Variants in NFIB observed in about 807,000 individuals in gnomAD.
NFIB encodes the protein nuclear factor I B, also known as nuclear factor 1 B-type.
In NFIB, 11 loss-of-function variants were observed where a neutral mutation model predicts 61.5. That is an observed-to-expected ratio of 0.18 (90% CI 0.11 to 0.30). NFIB has a LOEUF of 0.30. NFIB is among the 10% of genes least tolerant of loss of function. NFIB has a pLI of 1.00. For missense variants in NFIB, 471 were observed against 608.9 expected (o/e 0.77, Z 2.38); for synonymous variants, 260 against 216.5 (o/e 1.20, Z -1.76).
At chr9:14,157,226 A>G (rs1307727255) in intron 3 of NFIB, among the ~76,000 whole-genome samples, 1 of 152,208 alleles carries the variant, frequency 6.6e-6, no homozygotes, top group African/African-American at 2.4e-5. Flanking sequence ...CGAATTACGC[A>G]CACTGGCCTC....
intron 2 of NFIB, among the ~76,000 whole-genome samples, chr9:14,195,764 C>A (rs1201696825): frequency 6.6e-6 from 1 of 152,038 alleles, no homozygotes; most frequent in Admixed American, 6.6e-5. Context: ...GAGCAGGAAT[C>A]TTTTATGGCA....
intron 2 of NFIB, among the ~76,000 whole-genome samples, chr9:14,280,484 C>A (rs1483476609): frequency 6.6e-6 from 1 of 152,192 alleles, no homozygotes; most frequent in Non-Finnish European, 1.5e-5. Context: ...TTCTCTAACC[C>A]TACACTCACA....
chr9:14,172,393 C>T (rs2045663529), intron 3 of NFIB, among the ~76,000 whole-genome samples: 1 of 151,854 alleles, frequency 6.6e-6, no homozygotes, highest in Admixed American at 6.6e-5. Context: ...TTTCAATAGA[C>T]ACAGAAAGTT....
chr9:14,190,679 G>A (rs905025398), intron 2 of NFIB, among the ~76,000 whole-genome samples: 1 of 152,142 alleles, frequency 6.6e-6, no homozygotes, highest in African/African-American at 2.4e-5. Context: ...AACTGTGCAG[G>A]CAAAGAAAGG....
intron 2 of NFIB, among the ~76,000 whole-genome samples, chr9:14,227,425 T>A (rs78544879): frequency 0.026 from 4,001 of 152,250 alleles, 83 homozygotes; most frequent in African/African-American, 0.061. Context: ...CATGGATGAA[T>A]TTTTTAAAAA....
intron 2 of NFIB, among the ~76,000 whole-genome samples, chr9:14,285,328 G>C (rs147747585): frequency 0.01 from 1,597 of 152,190 alleles, 36 homozygotes; most frequent in African/African-American, 0.037. Context: ...TCACCATGTC[G>C]GCCAGGCTGG....
chr9:14,238,917 GTT>G (rs1261390431), intron 2 of NFIB, among the ~76,000 whole-genome samples: 2 of 151,992 alleles, frequency 1.3e-5, no homozygotes, highest in Non-Finnish European at 2.9e-5. Context: ...TCCCTTCTCT[GTT>G]TTGTTTCCTA....
chr9:14,443,654 T>A, the NFIB span, among the ~76,000 whole-genome samples: 2 of 152,234 alleles, frequency 1.3e-5, no homozygotes, highest in African/African-American at 4.8e-5. Flanking sequence ...TTCCCAATTA[T>A]TTTAATCCAG....
At chr9:14,097,869 T>TTTTTTC (rs1345563340) in intron 10 of NFIB, among the ~76,000 whole-genome samples, 46 of 141,850 alleles carry the variant, frequency 3.2e-4, no homozygotes, top group African/African-American at 1.1e-3. Context: ...TCTTTCTTTC[T>TTTTTTC]TTTTTCTTTT....
intron 2 of NFIB, among the ~76,000 whole-genome samples, chr9:14,301,478 A>G (rs921776495): frequency 2.6e-5 from 4 of 152,148 alleles, no homozygotes; most frequent in African/African-American, 9.7e-5. Context: ...AGAATATTTT[A>G]CCAACCTTTG....
intron 2 of NFIB, among the ~76,000 whole-genome samples, chr9:14,215,796 A>G (rs2050791956): frequency 6.6e-6 from 1 of 152,238 alleles, no homozygotes; most frequent in Admixed American, 6.5e-5. Context: ...CAAATTTAAT[A>G]AAGAATTTTC....
intron 8 of NFIB, among the ~76,000 whole-genome samples, chr9:14,117,309 G>C (rs1170497715): frequency 2.0e-5 from 3 of 152,044 alleles, no homozygotes; most frequent in Non-Finnish European, 4.4e-5. Flanking sequence ...TAGTTTCCGT[G>C]GTAGGAAACA....
At chr9:14,484,655 T>C in the NFIB span, among the ~76,000 whole-genome samples, 28 of 152,332 alleles carry the variant, frequency 1.8e-4, no homozygotes, top group Admixed American at 1.8e-3. Flanking sequence ...TTGCATCATG[T>C]TTCACCTCCA....
chr9:14,375,591 G>T (rs1407052360), intron 1 of NFIB, among the ~76,000 whole-genome samples: 1 of 152,154 alleles, frequency 6.6e-6, no homozygotes, highest in African/African-American at 2.4e-5. Flanking sequence ...CCGGAAGGTG[G>T]AGGTTGCAGT....
chr9:14,409,601 C>T, the NFIB span, among the ~76,000 whole-genome samples: 3 of 152,150 alleles, frequency 2.0e-5, no homozygotes, highest in Admixed American at 6.5e-5. Flanking sequence ...GGCAACACTC[C>T]GAAGGCCAGC....
intron 1 of NFIB, among the ~76,000 whole-genome samples, chr9:14,359,334 GT>G (rs1189527281): frequency 4.6e-5 from 7 of 152,198 alleles, no homozygotes; most frequent in African/African-American, 7.2e-5. Flanking sequence ...ATACAATCAT[GT>G]GTACCCTTAT....
the NFIB span, among the ~76,000 whole-genome samples, chr9:14,519,608 AT>A: frequency 6.6e-6 from 1 of 152,098 alleles, no homozygotes; most frequent in African/African-American, 2.4e-5. Flanking sequence ...ACTGTCAGGC[AT>A]TTTACTGCGG....
chr9:14,185,280 C>T (rs1266412821), intron 2 of NFIB, among the ~76,000 whole-genome samples: 1 of 152,182 alleles, frequency 6.6e-6, no homozygotes, highest in Non-Finnish European at 1.5e-5. Flanking sequence ...TGATTTCCCA[C>T]CTTTCTAAGA....
the NFIB span, among the ~76,000 whole-genome samples, chr9:14,505,967 T>A: frequency 6.6e-6 from 1 of 152,156 alleles, no homozygotes; most frequent in African/African-American, 2.4e-5. Flanking sequence ...CTTTCTATTA[T>A]CTCTACAGAA....
Sources: allele counts gnomAD v4.1 joint callset (sites outside exome capture counted in the v4.1 genomes callset), GRCh38; gene constraint gnomAD v4.1.1; transcripts MANE v1.5; gene names NCBI Gene and HGNC (gene_info 2026-07-23, HGNC 2026-07-21).